The following PALM variants were observed in gnomAD, a reference collection of about 807,000 sequenced individuals.
The protein encoded by PALM is paralemmin-1.
In PALM, 18 loss-of-function variants were observed where a neutral mutation model predicts 30.7. The ratio of observed to expected loss-of-function variants is 0.59; its 90% CI spans 0.41 to 0.87. The LOEUF is 0.87. Among genes scored for constraint, PALM ranks in the 40% least tolerant of loss-of-function variants. The pLI is 0.00. For missense variants in PALM, 529 were observed against 555.4 expected (o/e 0.95, Z 0.48); for synonymous variants, 286 against 242.8 (o/e 1.18, Z -1.66).
At chr19:719,768 C>A in intron 1 of PALM, 1 of 413,388 alleles carries the variant, frequency 2.4e-6, no homozygotes, top group Non-Finnish European at 3.3e-6. Flanking sequence ...GCCTGGCGGG[C>A]CCCGCCCGCA....
At position 746,536 on chromosome 19, in the gene PALM, C is replaced by T; in HGVS notation, c.886C>T (p.Pro296Ser). 4 of 1,613,032 alleles carry T rather than the reference C, an allele frequency of 2.5e-6. No individual in the cohort carries two copies. The highest frequency in any genetic ancestry group is 3.4e-6 in the Non-Finnish European group (4 of 1,179,798). ...GPPGIQPGQE[P>S]PVTMIFMGYQ... ...GCCGGGGATCCAGCCCGGCCAGGAG[C>T]CCCCGGTCACAATGATCTTCATGGG... is the stretch of plus-strand genomic sequence containing the variant. The change falls in exon 9 of 9, where the codon CCC becomes TCC. Residue 296 changes from proline to serine, a missense_variant. Transcript: ENST00000338448. The surrounding 1 kb of genome is among the most constrained non-coding windows in gnomAD (Gnocchi z 7.1).
intron 4 of PALM, among the ~76,000 whole-genome samples, chr19:730,554 C>T (rs568968417): frequency 3.9e-4 from 59 of 152,298 alleles, no homozygotes; most frequent in African/African-American, 1.2e-3. Flanking sequence ...ACATAAACAG[C>T]GCAGGCCAGG....
At chr19:719,232 C>T in intron 1 of PALM, 1 of 985,610 alleles carries the variant, frequency 1.0e-6, no homozygotes, top group Non-Finnish European at 1.2e-6. Context: ...CAGGGCCCGC[C>T]CTGCTCGCTG....
At chr19:711,017 C>G (rs2032061696) in intron 1 of PALM, among the ~76,000 whole-genome samples, 1 of 152,262 alleles carries the variant, frequency 6.6e-6, no homozygotes, top group Admixed American at 6.5e-5. Context: ...CACAGATTTT[C>G]CAGTCGAAGA....
At chr19:740,634 C>T (rs1158373053) in intron 8 of PALM, 151 bp downstream of exon 8, 1 of 731,706 alleles carries the variant, frequency 1.4e-6, no homozygotes, top group Non-Finnish European at 2.2e-6. Context: ...GCCTCACCCC[C>T]TGTGGCCCAC....
intron 4 of PALM, chr19:727,954 C>A: frequency 2.3e-6 from 1 of 429,834 alleles, no homozygotes; most frequent in Non-Finnish European, 4.2e-6. Context: ...TTTCCCTTCC[C>A]ACCGCCCTCG....
intron 5 of PALM, among the ~76,000 whole-genome samples, chr19:733,753 G>A (rs529587756): frequency 2.6e-5 from 4 of 152,300 alleles, no homozygotes; most frequent in South Asian, 2.1e-4. Flanking sequence ...TTGGGAGGCC[G>A]AGGTGGGTGG....
rs186699716 is a variant in PALM at position 729,037 on chromosome 19, G to A, written c.269+1343G>A. ...AATAAATAAATAAAAATAAAGGCATGGACATGCTGGGCGTGGGTGGGGCTC... is the reference window on the plus strand; with the variant it reads ...AATAAATAAATAAAAATAAAGGCATAGACATGCTGGGCGTGGGTGGGGCTC... On this transcript the variant is annotated intron_variant, in intron 4 of 8. Coordinates refer to ENST00000338448, the MANE Select transcript of PALM (RefSeq NM_002579.3). 1.1e-3 allele frequency among the ~76,000 whole-genome samples: 169 copies of A among 151,550 alleles called. 1 individual carries two copies. Among genetic ancestry groups the A allele is most frequent in the African/African-American group, 3.9e-3 (162 of 41,328 alleles).
chr19:743,604 A>G (rs1441490273), intron 8 of PALM, among the ~76,000 whole-genome samples: 1 of 152,230 alleles, frequency 6.6e-6, no homozygotes, highest in Non-Finnish European at 1.5e-5. Flanking sequence ...AGCCAGGAAC[A>G]GGAGCCCTGA....
intron 4 of PALM, 106 bp downstream of exon 4, chr19:727,800 A>T: frequency 1.9e-6 from 2 of 1,076,010 alleles, no homozygotes; most frequent in Non-Finnish European, 1.3e-6. Context: ...TTTGAGGGAG[A>T]TGCGTGGACC....
In PALM at chr19:735,992, C is replaced by T. The variant is rs766022111; in HGVS notation, c.443-27C>T. On this transcript the variant is annotated intron_variant, in intron 6 of 8. Coordinates refer to ENST00000338448, the MANE Select transcript of PALM (RefSeq NM_002579.3). ...GTGACCTCTCCTCTGACCCTCATCT[C>T]TCTCTCCGCTTCCACCTCCCGTGCA... is the stretch of plus-strand genomic sequence containing the variant. 2.5e-5 allele frequency: 40 copies of T among 1,599,064 alleles called. No individual in the cohort carries two copies. In the South Asian group the frequency reaches 4.5e-4, roughly 18 times the overall value.
chr19:731,756 T>C (rs1383786834), intron 5 of PALM, among the ~76,000 whole-genome samples: 1 of 152,044 alleles, frequency 6.6e-6, no homozygotes, highest in Non-Finnish European at 1.5e-5. Flanking sequence ...ACCTCCCAGG[T>C]TCAAGCAATT....
intron 1 of PALM, among the ~76,000 whole-genome samples, chr19:724,927 T>C (rs192321697): frequency 3.9e-5 from 6 of 151,944 alleles, no homozygotes; most frequent in Admixed American, 6.6e-5. Context: ...GTTTTGCTTT[T>C]GTTTTGTTTT....
chr19:741,542 A>G lies in PALM; in HGVS notation c.634+1059A>G, dbSNP rs2033196661. 1.5e-5 allele frequency among the ~76,000 whole-genome samples: 2 copies of G among 134,086 alleles called. 1 individual carries two copies. Among genetic ancestry groups the G allele is most frequent in the African/African-American group, 5.7e-5 (2 of 35,098 alleles). The allele number at this position is 134,086 out of a possible 152,430, so 88.0% of individuals were successfully genotyped here. On this transcript the variant is annotated intron_variant, in intron 8 of 8. Coordinates refer to ENST00000338448, the MANE Select transcript of PALM (RefSeq NM_002579.3). ...GACGGGGTGAGGGGAGACGGGCTGC[A>G]GGGGTGAGGGGAGACGGGCTGCAGG...
At chr19:714,569 A>G (rs965317060) in intron 1 of PALM, among the ~76,000 whole-genome samples, 1 of 144,312 alleles carries the variant, frequency 6.9e-6, no homozygotes, top group Non-Finnish European at 1.5e-5. Flanking sequence ...CATGTTAACC[A>G]GGATGGTCTC....
At chr19:712,345 C>T (rs1200009565) in intron 1 of PALM, among the ~76,000 whole-genome samples, 2 of 152,068 alleles carry the variant, frequency 1.3e-5, no homozygotes, top group African/African-American at 2.4e-5. Flanking sequence ...TTCCATGGCC[C>T]TGTTCCGAAT....
intron 8 of PALM, among the ~76,000 whole-genome samples, chr19:745,464 T>G (rs561115130): frequency 8.8e-4 from 133 of 150,656 alleles, no homozygotes; most frequent in Admixed American, 6.4e-3. Context: ...GAGGCTGAGG[T>G]GGGCAGATGA....
chr19:729,297 G>A (rs1036242787), intron 4 of PALM, among the ~76,000 whole-genome samples: 1 of 151,522 alleles, frequency 6.6e-6, no homozygotes, highest in Non-Finnish European at 1.5e-5. Flanking sequence ...CTGCACTCCA[G>A]CCTGGGGGAC....
rs1324924648 is a variant in PALM at position 747,157 on chromosome 19, AC to A, written c.*344del. 1.2e-5 allele frequency: 3 copies of A among 252,128 alleles called. No individual in the cohort carries two copies. The highest frequency in any genetic ancestry group is 2.3e-5 in the Non-Finnish European group (3 of 130,322). The allele number at this position is 252,128 out of a possible 1,614,324, so 15.6% of individuals were successfully genotyped here. A position where few individuals can be genotyped will look rare whatever the true frequency, so the allele number is the denominator to read the frequency against. On this transcript the variant is annotated 3_prime_UTR_variant, in exon 9 of 9. Coordinates refer to ENST00000338448, the MANE Select transcript of PALM (RefSeq NM_002579.3). ...CTGGCGGGTGGGACCCGCAGCCTCC[AC>A]GCGGCCCAGGCCAGCCTGCCACCCT... is the stretch of plus-strand genomic sequence containing the variant.
Sources: gnomAD v4.1 joint callset for allele counts (sites outside exome capture counted in the v4.1 genomes callset) on GRCh38, gnomAD v4.1.1 for gene constraint, Gnocchi (gnomAD v3.1) non-coding constraint, MANE v1.5 for transcripts, NCBI Gene and HGNC (gene_info 2026-07-23, HGNC 2026-07-21) for gene names.